CDC123: variants seen among roughly 807,000 people sequenced by gnomAD.
CDC123 encodes the protein translation initiation factor eIF2 assembly protein.
CDC123 carries 37 observed loss-of-function variants against 54.4 expected under a neutral mutation model. That is an observed-to-expected ratio of 0.68 (90% CI 0.52 to 0.89). The LOEUF (loss-of-function observed/expected upper bound fraction) is 0.89. Ranked by LOEUF, CDC123 falls within the 40% of genes least tolerant of loss-of-function variation. The probability of loss-of-function intolerance (pLI) is 0.00; values close to 1 mark genes in which losing one functional copy is unlikely to be tolerated. For synonymous variants in CDC123, 144 were observed against 136.8 expected, an observed-to-expected ratio of 1.05 and a Z score of -0.37; for missense variants, 361 against 412.1, an observed-to-expected ratio of 0.88 and a Z score of 1.07.
chr10:12,242,833 T>G (rs1488405053), intron 10 of CDC123, among the ~76,000 whole-genome samples: 1 of 151,830 alleles, frequency 6.6e-6, no homozygotes, highest in African/African-American at 2.4e-5. Context: ...TCCCAGCTAC[T>G]TGGGAGGCTG....
chr10:12,219,913 C>T (rs1036343217), intron 6 of CDC123, among the ~76,000 whole-genome samples: 7 of 152,188 alleles, frequency 4.6e-5, no homozygotes, highest in Admixed American at 6.5e-5. Flanking sequence ...TGGTCTCCAT[C>T]TCCTCACCTC....
At chr10:12,217,295 T>C (rs1835675417) in intron 5 of CDC123, 66 bp from the exon 6 acceptor site, 2 of 1,492,488 alleles carry the variant, frequency 1.3e-6, no homozygotes, top group Admixed American at 1.9e-5. Flanking sequence ...GATTTTGTTA[T>C]AGGCCTGAGC....
chr10:12,226,292 G>C (rs573343930), intron 6 of CDC123, among the ~76,000 whole-genome samples: 1 of 152,208 alleles, frequency 6.6e-6, no homozygotes, highest in South Asian at 2.1e-4. Flanking sequence ...CCCAGACGGC[G>C]TGGCGGCTGG....
At chr10:12,249,812 C>G in intron 12 of CDC123, 94 bp downstream of exon 12, 1 of 1,456,426 alleles carries the variant, frequency 6.9e-7, no homozygotes, top group Admixed American at 2.6e-5. Context: ...CCTGTATCAC[C>G]TAGACTTTGA....
intron 1 of CDC123, among the ~76,000 whole-genome samples, chr10:12,198,450 C>G (rs1835394521): frequency 6.6e-6 from 1 of 152,198 alleles, no homozygotes; most frequent in African/African-American, 2.4e-5. Context: ...TTGTTGCTTT[C>G]ATACTGTGAT....
chr10:12,212,134 G>A (rs1345692066), intron 4 of CDC123, among the ~76,000 whole-genome samples: 1 of 152,136 alleles, frequency 6.6e-6, no homozygotes, highest in Non-Finnish European at 1.5e-5. Flanking sequence ...GATAGATACA[G>A]CAATTAATAA....
At chr10:12,237,453 TGGAGACAG>T in intron 9 of CDC123, 187 bp downstream of exon 9, 1 of 412,508 alleles carries the variant, frequency 2.4e-6, no homozygotes, top group African/African-American at 2.1e-5. Context: ...TATTTTTATT[TGGAGACAG>T]TCTTACTCTG....
At chr10:12,226,085 T>C (rs1835808883) in intron 6 of CDC123, among the ~76,000 whole-genome samples, 1 of 152,062 alleles carries the variant, frequency 6.6e-6, no homozygotes, top group African/African-American at 2.4e-5. Flanking sequence ...GGGGTAAGGT[T>C]ATAGATTAAC....
chr10:12,228,409 GTT>G (rs34629160), intron 6 of CDC123, among the ~76,000 whole-genome samples: 55 of 137,824 alleles, frequency 4.0e-4, no homozygotes, highest in East Asian at 8.2e-4. Context: ...GTTGTTTTTA[GTT>G]TTTTTTTTTT....
At chr10:12,207,370 T>C (rs1051771274) in intron 2 of CDC123, among the ~76,000 whole-genome samples, 2 of 152,224 alleles carry the variant, frequency 1.3e-5, no homozygotes, top group African/African-American at 2.4e-5. Context: ...TGACATCTTT[T>C]ATATTCGAGG....
chr10:12,199,105 C>T (rs189857223), intron 2 of CDC123, among the ~76,000 whole-genome samples: 124 of 152,276 alleles, frequency 8.1e-4, no homozygotes, highest in Non-Finnish European at 1.4e-3. Flanking sequence ...TCAGTTTTGA[C>T]GATTAAAAAT....
chr10:12,225,740 TTCTC>T (rs1835802967), intron 6 of CDC123, among the ~76,000 whole-genome samples: 1 of 128,680 alleles, frequency 7.8e-6, no homozygotes, highest in Non-Finnish European at 1.6e-5. Flanking sequence ...TTTTTCTAGC[TTCTC>T]TCTTTTTTTT....
intron 2 of CDC123, among the ~76,000 whole-genome samples, chr10:12,202,420 CAT>C (rs1184143401): frequency 2.0e-5 from 3 of 152,176 alleles, no homozygotes; most frequent in East Asian, 1.9e-4. Context: ...TCTGTGACCA[CAT>C]GTGTGGGGTT....
At chr10:12,205,436 A>G (rs1038962670) in intron 2 of CDC123, among the ~76,000 whole-genome samples, 1 of 152,216 alleles carries the variant, frequency 6.6e-6, no homozygotes, top group African/African-American at 2.4e-5. Context: ...ATATATGCAA[A>G]TACTCCAAAA....
At position 12,210,283 on chromosome 10, in the gene CDC123, C is replaced by A. The variant is rs765352004; in HGVS notation, c.205-7C>A. Reference sequence around the variant, plus strand: ...AATGTTTTATTTTTTTCCTCTTTTTCATGCAGTGGTCTGATGATGAGAACA... The same window carrying A: ...AATGTTTTATTTTTTTCCTCTTTTTAATGCAGTGGTCTGATGATGAGAACA... On this transcript the variant is annotated splice_polypyrimidine_tract_variant and splice_region_variant and intron_variant, in intron 3 of 12. Coordinates refer to ENST00000281141, the MANE Select transcript of CDC123 (RefSeq NM_006023.3). 4 of 1,613,632 alleles carry A rather than the reference C, an allele frequency of 2.5e-6. No individual in the cohort carries two copies. The South Asian group carries it at 3.3e-5, about 13-fold the overall frequency.
At chr10:12,228,221 C>G (rs1390857830) in intron 6 of CDC123, among the ~76,000 whole-genome samples, 1 of 152,004 alleles carries the variant, frequency 6.6e-6, no homozygotes, top group East Asian at 1.9e-4. Flanking sequence ...AGGTGTGAGC[C>G]CTGTGCCCAG....
chr10:12,236,093 A>G (rs900316247), intron 8 of CDC123, among the ~76,000 whole-genome samples: 3 of 152,236 alleles, frequency 2.0e-5, no homozygotes, highest in Non-Finnish European at 2.9e-5. Context: ...GCTTCTATGC[A>G]ATACAGTATG....
rs529644213 is a variant in CDC123, at chr10:12,215,153, C to T, written c.238-587C>T. On this transcript the variant is annotated intron_variant, in intron 4 of 12. Coordinates refer to ENST00000281141, the MANE Select transcript of CDC123 (RefSeq NM_006023.3). Reference sequence around the variant, plus strand: ...TATATAAAATATGCATTTTAAAAATCATCCAAACAGGAAAGAACGTTTTAC... The same window carrying T: ...TATATAAAATATGCATTTTAAAAATTATCCAAACAGGAAAGAACGTTTTAC... 1.8e-3 allele frequency among the ~76,000 whole-genome samples: 278 copies of T among 152,322 alleles called. 1 individual carries two copies. The highest frequency in any genetic ancestry group is 3.5e-3 in the Non-Finnish European group (238 of 68,024).
At chr10:12,218,187 A>G (rs1216137525) in intron 6 of CDC123, among the ~76,000 whole-genome samples, 3 of 150,880 alleles carry the variant, frequency 2.0e-5, no homozygotes, top group Non-Finnish European at 3.0e-5. Flanking sequence ...AAATACATCT[A>G]TCTCTACCTA....
Sources: allele counts gnomAD v4.1 joint callset (sites outside exome capture counted in the v4.1 genomes callset), GRCh38; gene constraint gnomAD v4.1.1; transcripts MANE v1.5; gene names NCBI Gene and HGNC (gene_info 2026-07-23, HGNC 2026-07-21).